The following RBM10 variants were observed in gnomAD, a reference collection of about 807,000 sequenced individuals.
RBM10 encodes RNA binding motif protein 10.
In RBM10, 1 loss-of-function variant was observed where a neutral mutation model predicts 84.9. That is an observed-to-expected ratio of 0.01 (90% confidence interval 0.00 to 0.06). The LOEUF is 0.06. RBM10 is among the 10% of genes least tolerant of loss of function. The pLI is 1.00. For synonymous variants in RBM10, 326 were observed against 344.5 expected (o/e 0.95, Z 0.60); for missense variants, 438 against 839.0 (o/e 0.52, Z 5.90).
chrX:47,185,757 C>A lies in RBM10; in HGVS notation c.2397C>A (p.Asn799Lys). ...ACCGGCGAGCCCACTTGTCAGAAAACGAGCTAGAAGCACTAGAGAAGAATG... is the reference window on the plus strand; with the variant it reads ...ACCGGCGAGCCCACTTGTCAGAAAAAGAGCTAGAAGCACTAGAGAAGAATG... ...EIHRRAHLSENELEALEKNDM... is the reference protein window; with the variant it reads ...EIHRRAHLSEKELEALEKNDM... The change falls in exon 21 of 24, where the codon AAC becomes AAA. Residue 799 changes from asparagine to lysine, a missense_variant. This residue lies in a region of RBM10 where 92 missense variants were observed against 199.9 expected (regional missense o/e 0.46). Transcript: ENST00000377604. 8.3e-7 allele frequency: 1 copy of A among 1,211,707 alleles called. No homozygotes were observed. Among genetic ancestry groups the A allele is most frequent in the Non-Finnish European group, 1.1e-6 (1 of 895,398 alleles).
At chrX:47,177,419 C>A (rs980853820) in intron 7 of RBM10, among the ~76,000 whole-genome samples, 1 of 111,672 alleles carries the variant, frequency 9.0e-6, no homozygotes, top group Admixed American at 9.5e-5. Flanking sequence ...GCCCTGGGGC[C>A]AGCATTGTGA....
At chrX:47,160,253 T>C (rs1292593387) in intron 2 of RBM10, among the ~76,000 whole-genome samples, 6 of 112,212 alleles carry the variant, frequency 5.3e-5, no homozygotes, top group African/African-American at 1.9e-4. Flanking sequence ...AACCAAAAAT[T>C]GACAATTTGG....
In RBM10 at chrX:47,179,419, C is replaced by T. The variant is rs782614950; in HGVS notation, c.825C>T (p.Pro275=). Residue 275 remains proline (P), a synonymous_variant, in exon 9 of 24, where the codon CCC becomes CCT. Coordinates refer to ENST00000377604, the MANE Select transcript of RBM10 (RefSeq NM_005676.5). ...AGGGCCTGCTTCCCCTGCCGCAGCC[C>T]TACCAGGCCCAGGGAGTCCTGGCCT... ...LSQGLLPLPQ[P]YQAQGVLASQ... 3.9e-5 allele frequency: 47 copies of T among 1,201,359 alleles called. No homozygotes were observed. Among genetic ancestry groups the T allele is most frequent in the Non-Finnish European group, 5.0e-5 (45 of 892,942 alleles).
At chrX:47,183,957 C>T (rs1170812056) in intron 17 of RBM10, among the ~76,000 whole-genome samples, 2 of 111,111 alleles carry the variant, frequency 1.8e-5, no homozygotes, top group Non-Finnish European at 3.8e-5. Context: ...TCTCGGCCTC[C>T]CAAAGTGCTG....
chrX:47,159,802 C>T (rs1556766265), intron 2 of RBM10, among the ~76,000 whole-genome samples: 1 of 111,927 alleles, frequency 8.9e-6, no homozygotes, highest in Non-Finnish European at 1.9e-5. Flanking sequence ...ACCCTTACCT[C>T]TCACCATATA....
At chrX:47,162,729 C>T (rs1420160678) in intron 2 of RBM10, among the ~76,000 whole-genome samples, 1 of 110,480 alleles carries the variant, frequency 9.1e-6, no homozygotes, top group Non-Finnish European at 1.9e-5. Context: ...CAAAAATTAG[C>T]TGGGGGTGGT....
intron 7 of RBM10, among the ~76,000 whole-genome samples, 193 bp downstream of exon 7, chrX:47,176,779 C>T (rs1874600613): frequency 9.2e-6 from 1 of 108,704 alleles, no homozygotes; most frequent in Non-Finnish European, 1.9e-5. Flanking sequence ...CTTGAGTAGT[C>T]ACCATTCCTA....
At chrX:47,184,053 G>A (rs1415161176) in intron 17 of RBM10, among the ~76,000 whole-genome samples, 1 of 111,867 alleles carries the variant, frequency 8.9e-6, no homozygotes, top group East Asian at 2.8e-4. Flanking sequence ...AAGCAGCCGC[G>A]ATCTCTTGAG....
Position 47,145,498 on chromosome X carries a change from G to T in RBM10, c.-126+13G>T, listed in dbSNP as rs1251032975. The T allele has an allele frequency of 8.7e-7, 1 of 1,152,806 alleles. No individual in the cohort carries two copies. Among genetic ancestry groups the T allele is most frequent in the Non-Finnish European group, 1.1e-6 (1 of 871,263 alleles). On this transcript the variant is annotated intron_variant, in intron 1 of 23. Coordinates refer to ENST00000377604, the MANE Select transcript of RBM10 (RefSeq NM_005676.5). ...CCGGGCCGAGAAGGTGAGCGTCGAC[G>T]CTGGTCGTGGGGGCGGAGGTAAGGG...
At chrX:47,159,404 G>A (rs1171889151) in intron 2 of RBM10, among the ~76,000 whole-genome samples, 1 of 87,164 alleles carries the variant, frequency 1.1e-5, no homozygotes, top group Non-Finnish European at 2.1e-5. Context: ...GCGAAACTCC[G>A]TCTCAAAAAA....
intron 6 of RBM10, among the ~76,000 whole-genome samples, 179 bp downstream of exon 6, chrX:47,175,271 A>G (rs969763950): frequency 1.5e-5 from 1 of 68,304 alleles, no homozygotes; most frequent in Non-Finnish European, 2.6e-5. Context: ...TCGCTACCCC[A>G]CTGGGCTTCT....
rs2147173005 is a variant in RBM10 at position 47,179,931 on chromosome X, G to A, written c.953G>A (p.Gly318Glu). ...CACAGCACCATGGATTCCATCCTGG[G>A]GGCCCTGGCACCCTACGCGGTGCTG... ...NPHSTMDSIL[G>E]ALAPYAVLSS... Residue 318 changes from glycine (G) to glutamate (E), a missense_variant, in exon 10 of 24, where the codon GGG becomes GAG. Physicochemically the swap from Gly to Glu is moderately conservative, Grantham distance 98 (BLOSUM62 -2). Around this residue, in one of 8 missense-constraint regions of RBM10, gnomAD observed 33 missense variants for 115.0 expected, o/e 0.29. Coordinates refer to ENST00000377604, the MANE Select transcript of RBM10 (RefSeq NM_005676.5). 1 of 1,210,265 alleles carries A rather than the reference G, an allele frequency of 8.3e-7. No homozygotes were observed. The highest frequency in any genetic ancestry group is 1.1e-6 in the Non-Finnish European group (1 of 894,759).
At chrX:47,158,394 C>T (rs782674908) in intron 2 of RBM10, among the ~76,000 whole-genome samples, 1 of 111,758 alleles carries the variant, frequency 8.9e-6, no homozygotes, top group Non-Finnish European at 1.9e-5. Flanking sequence ...CTGGAGCTCA[C>T]GGCCCACATA....
rs2147216372 is a variant in RBM10 at position 47,185,519 on chromosome X, G to A, written c.2244G>A (p.Glu748=). Residue 748 remains glutamate (E), a synonymous_variant, in exon 20 of 24, where the codon GAG becomes GAA. Transcript: ENST00000377604. ...SEEEQERGGP[E]REEKLTDWQK... ...AGGAGCAGGAGCGTGGGGGCCCTGA[G>A]CGGGAGGAGAAGCTCACCGACTGGC... The A allele has an allele frequency of 8.5e-7, 1 of 1,180,373 alleles. No individual in the cohort carries two copies. Among genetic ancestry groups the A allele is most frequent in the Non-Finnish European group, 1.1e-6 (1 of 879,568 alleles).
In RBM10 at chrX:47,176,526, G is replaced by A. The variant is rs2147156217; in HGVS notation, c.603G>A (p.Lys201=). ...NQHSLNILGQ[K]VSMHYSDPKP... is the part of the protein sequence containing the mutation. ...ACTCCCTCAACATCCTGGGCCAGAA[G>A]GTGTCGATGCACTACAGTGACCCCA... The change falls in exon 7 of 24, where the codon AAG becomes AAA. Residue 201 remains lysine (K), a synonymous_variant. Coordinates refer to ENST00000377604, the MANE Select transcript of RBM10 (RefSeq NM_005676.5). 8.3e-7 allele frequency: 1 copy of A among 1,211,589 alleles called. No individual in the cohort carries two copies. Among genetic ancestry groups the A allele is most frequent in the Non-Finnish European group, 1.1e-6 (1 of 895,511 alleles).
At chrX:47,165,243 C>T (rs1303819687) in intron 2 of RBM10, among the ~76,000 whole-genome samples, 2 of 111,408 alleles carry the variant, frequency 1.8e-5, no homozygotes, top group African/African-American at 6.5e-5. Context: ...TGGCTGGGCG[C>T]GGTGGCTCAT....
intron 2 of RBM10, among the ~76,000 whole-genome samples, chrX:47,148,405 T>C (rs931457884): frequency 1.8e-5 from 2 of 111,992 alleles, no homozygotes; most frequent in Non-Finnish European, 3.8e-5. Context: ...CAAACTTTAT[T>C]ACCAAGTAAA....
chrX:47,165,153 G>A (rs1934068915), intron 2 of RBM10, among the ~76,000 whole-genome samples: 1 of 111,753 alleles, frequency 8.9e-6, no homozygotes, highest in Non-Finnish European at 1.9e-5. Context: ...TTGGGATGAT[G>A]AAAAATTCCT....
intron 5 of RBM10, 26 bp downstream of exon 5, chrX:47,173,223 C>T (rs782768414): frequency 2.3e-5 from 28 of 1,208,531 alleles, no homozygotes; most frequent in Admixed American, 8.7e-5. Context: ...AGTGCCCTCC[C>T]CTTCAAGTGG....
Sources: gnomAD v4.1 joint callset for allele counts (sites outside exome capture counted in the v4.1 genomes callset) on GRCh38, gnomAD v4.1.1 for gene constraint, gnomAD v4.1.1 regional missense constraint, MANE v1.5 for transcripts, NCBI Gene and HGNC (gene_info 2026-07-23, HGNC 2026-07-21) for gene names.